TEX35: variants seen among roughly 807,000 people sequenced by gnomAD.
TEX35 encodes testis expressed 35.
Under a neutral mutation model 31.9 loss-of-function variants are expected in TEX35, and 26 were observed. The observed-to-expected ratio is 0.81, with a 90% CI of 0.60 to 1.13. TEX35 has a LOEUF of 1.13. TEX35 is among the 50% of genes most tolerant of loss of function. TEX35 has a pLI of 0.00. For synonymous variants in TEX35, 87 were observed against 90.7 expected, an observed-to-expected ratio of 0.96 and a Z score of 0.23; for missense variants, 278 against 273.5, an observed-to-expected ratio of 1.02 and a Z score of -0.12.
chr1:178,521,157 T>C, intron 7 of TEX35, 65 bp from the exon 8 acceptor site: 1 of 1,609,772 alleles, frequency 6.2e-7, no homozygotes, highest in African/African-American at 1.3e-5. Flanking sequence ...ATAAGGTGCC[T>C]AGCAGGCTGC....
intron 5 of TEX35, among the ~76,000 whole-genome samples, chr1:178,518,765 T>C (rs1410208186): frequency 6.6e-6 from 1 of 152,224 alleles, no homozygotes; most frequent in Non-Finnish European, 1.5e-5. Flanking sequence ...TATTTCTCTG[T>C]TAAAATCCAA....
In TEX35 at chr1:178,521,230, T is replaced by G; in HGVS notation, c.552T>G (p.Cys184Trp). ...GTTTCTGTCCTCTGCAGGAGAAATG[T>G]TTGTTGTGTGCTCTAAAGAACAACT... is the stretch of plus-strand genomic sequence containing the variant. ...LHHCGTCCEK[C>W]LLCALKNNYN... The change falls in exon 8 of 9, where the codon TGT becomes TGG. Residue 184 changes from cysteine (C) to tryptophan (W), a missense_variant. Coordinates refer to ENST00000319416, the MANE Select transcript of TEX35 (RefSeq NM_032126.5). The G allele has an allele frequency of 6.2e-7, 1 of 1,614,246 alleles. No homozygotes were observed.
rs140390790 is a variant in TEX35 at position 178,520,687 on chromosome 1, C to A, written c.356C>A (p.Ala119Glu). The A allele has an allele frequency of 1.6e-4, 262 of 1,613,986 alleles. 4 individuals are homozygous for A. The African/African-American group carries it at 3.0e-3, about 18-fold the overall frequency. The change falls in exon 7 of 9, where the codon GCA (alanine) becomes GAA (glutamate). Residue 119 changes from alanine (A) to glutamate (E), a missense_variant. By Grantham distance (107) the Ala-to-Glu change is moderately radical. Transcript: ENST00000319416. ...TCCTCCCCCAGTCCCCTTAGAAGAG[C>A]ACCAAAGGAGCAGCAGGAACTCAGG... The part of the protein sequence containing the change: ...QKNYKLPLRR[A>E]PKEQQELRLM...
Position 178,514,799 on chromosome 1 carries a change from A to G in TEX35, c.159+31A>G, listed in dbSNP as rs373817465. 544 of 1,595,704 alleles carry G rather than the reference A, an allele frequency of 3.4e-4. 2 individuals are homozygous for G. The Middle Eastern group carries it at 8.1e-3, about 24-fold the overall frequency. On this transcript the variant is annotated intron_variant, in intron 3 of 8. Transcript: ENST00000319416. Reference sequence around the variant, plus strand: ...TGCGTGAACTTGGAGGCATGTCTATATTCCAAACCACGTGAGTGTAAGTTT... The same window carrying G: ...TGCGTGAACTTGGAGGCATGTCTATGTTCCAAACCACGTGAGTGTAAGTTT...
At chr1:178,519,406 T>C (rs73040012) in intron 5 of TEX35, among the ~76,000 whole-genome samples, 8,965 of 152,186 alleles carry the variant, frequency 0.059, 903 homozygotes, top group African/African-American at 0.2. Flanking sequence ...TGGAACATGA[T>C]GATTTTGAAG....
chr1:178,522,622 T>C lies in TEX35; in HGVS notation c.*182T>C, dbSNP rs1296060397. 1 of 1,289,940 alleles carries C rather than the reference T, an allele frequency of 7.8e-7. No homozygotes were observed. Among genetic ancestry groups the C allele is most frequent in the Non-Finnish European group, 9.8e-7 (1 of 1,018,518 alleles). 79.9% of individuals were successfully genotyped at this position (1,289,940 alleles called of 1,614,324 possible). A position where few individuals can be genotyped will look rare whatever the true frequency, so the allele number is the denominator to read the frequency against. On this transcript the variant is annotated 3_prime_UTR_variant, in exon 9 of 9. Transcript: ENST00000319416. ...ATCTCTTTGCTAAGCTGGCTGCTTCTACCATCTAATAAATAATTGGCCAAG... is the reference window on the plus strand; with the variant it reads ...ATCTCTTTGCTAAGCTGGCTGCTTCCACCATCTAATAAATAATTGGCCAAG...
At chr1:178,523,162 T>G, downstream of TEX35, 1 of 569,678 alleles carries the variant, frequency 1.8e-6, no homozygotes, top group East Asian at 3.2e-5. Flanking sequence ...TAGAACTCAA[T>G]TGTGTGTGTG....
At chr1:178,517,510 T>G (rs7553215) in intron 5 of TEX35, among the ~76,000 whole-genome samples, 88,198 of 152,016 alleles carry the variant, frequency 0.58, 26,301 homozygotes, top group African/African-American at 0.72. Flanking sequence ...CTGCACATTA[T>G]AATCACCTGG....
intron 5 of TEX35, among the ~76,000 whole-genome samples, chr1:178,519,565 G>T (rs1371516612): frequency 1.3e-5 from 2 of 152,200 alleles, no homozygotes; most frequent in Non-Finnish European, 2.9e-5. Flanking sequence ...TGCTTTTCAA[G>T]AAGGTATTTT....
chr1:178,516,573 A>C (rs373299960), intron 4 of TEX35, 42 bp from the exon 5 acceptor site: 1 of 1,566,522 alleles, frequency 6.4e-7, no homozygotes. Context: ...CCTCAATAAC[A>C]TGCTCTGTGC....
At position 178,515,901 on chromosome 1, in the gene TEX35, G is replaced by C; in HGVS notation, c.202G>C (p.Glu68Gln). ...EVREELKEKM[E>Q]EIKQIKDLMD... ...GAGAGAAGAGCTCAAGGAGAAAATG[G>C]AGGAGATAAAACAGGTAAGAAGATG... Residue 68 changes from glutamate (E) to glutamine (Q), a missense_variant, in exon 4 of 9, where the codon GAG becomes CAG. Physicochemically the swap from Glu to Gln is conservative, Grantham distance 29 (BLOSUM62 2). Coordinates refer to ENST00000319416, the MANE Select transcript of TEX35 (RefSeq NM_032126.5). The C allele has an allele frequency of 6.2e-7, 1 of 1,612,820 alleles. No individual in the cohort carries two copies. The highest frequency in any genetic ancestry group is 8.5e-7 in the Non-Finnish European group (1 of 1,179,108).
chr1:178,518,142 A>G (rs1650147357), intron 5 of TEX35, among the ~76,000 whole-genome samples: 1 of 152,198 alleles, frequency 6.6e-6, no homozygotes, highest in African/African-American at 2.4e-5. Flanking sequence ...CAATAAACAT[A>G]TTAACAAAGG....
chr1:178,517,086 C>T (rs1476049417), intron 5 of TEX35, among the ~76,000 whole-genome samples: 3 of 152,208 alleles, frequency 2.0e-5, no homozygotes, highest in Non-Finnish European at 2.9e-5. Flanking sequence ...AGCCTGGGCT[C>T]ATGTTCAGAT....
intron 5 of TEX35, among the ~76,000 whole-genome samples, chr1:178,517,783 G>A (rs149433163): frequency 4.6e-5 from 7 of 152,240 alleles, no homozygotes; most frequent in Admixed American, 1.3e-4. Context: ...AGTTAACACT[G>A]TAAAGCTAAA....
Position 178,520,692 on chromosome 1 carries a change from A to G in TEX35, c.361A>G (p.Lys121Glu), listed in dbSNP as rs767115468. 1 of 1,613,968 alleles carries G rather than the reference A, an allele frequency of 6.2e-7. No homozygotes were observed. Among genetic ancestry groups the G allele is most frequent in the Admixed American group, 1.7e-5 (1 of 60,002 alleles). The change falls in exon 7 of 9, where the codon AAG becomes GAG. Residue 121 changes from lysine (K) to glutamate (E), a missense_variant. By Grantham distance (56) the Lys-to-Glu change is moderately conservative. Coordinates refer to ENST00000319416, the MANE Select transcript of TEX35 (RefSeq NM_032126.5). ...CCCCAGTCCCCTTAGAAGAGCACCA[A>G]AGGAGCAGCAGGAACTCAGGCTGAT... ...NYKLPLRRAP[K>E]EQQELRLMGK...
chr1:178,520,620 T>C, intron 6 of TEX35, 53 bp from the exon 7 acceptor site: 2 of 1,598,466 alleles, frequency 1.3e-6, no homozygotes, highest in Non-Finnish European at 1.7e-6. Flanking sequence ...CTCCTTGTCA[T>C]GCTGCAAAAT....
chr1:178,522,033 C>T (rs571648147), intron 8 of TEX35: 1 of 671,738 alleles, frequency 1.5e-6, no homozygotes, highest in Non-Finnish European at 2.4e-6. Flanking sequence ...GGGGAGGGCC[C>T]CTGATGATAG....
chr1:178,513,301 G>A (rs1276904500), intron 1 of TEX35, 74 bp downstream of exon 1: 1 of 1,568,384 alleles, frequency 6.4e-7, no homozygotes, highest in African/African-American at 1.4e-5. Flanking sequence ...GTCGGGGCAA[G>A]GGATACAGAG....
In TEX35 at chr1:178,520,851, C is replaced by T. The variant is rs1650245923; in HGVS notation, c.520C>T (p.Leu174Phe). ...QKTKQGSLDP[L>F]HHCGTCCEKC... ...AACAAAACAGGGCTCACTGGATCCCCTTCATCACTGTGGGACCTGCTGCGT... is the reference window on the plus strand; with the variant it reads ...AACAAAACAGGGCTCACTGGATCCCTTTCATCACTGTGGGACCTGCTGCGT... The change falls in exon 7 of 9, where the codon CTT becomes TTT. Residue 174 changes from leucine to phenylalanine, a missense_variant. Leu to Phe is a conservative substitution (Grantham distance 22, BLOSUM62 0). Coordinates refer to ENST00000319416, the MANE Select transcript of TEX35 (RefSeq NM_032126.5). 6.2e-7 allele frequency: 1 copy of T among 1,614,208 alleles called. No individual in the cohort carries two copies. The highest frequency in any genetic ancestry group is 8.5e-7 in the Non-Finnish European group (1 of 1,180,048).
Sources: allele counts gnomAD v4.1 joint callset (sites outside exome capture counted in the v4.1 genomes callset), GRCh38; gene constraint gnomAD v4.1.1; transcripts MANE v1.5; gene names NCBI Gene and HGNC (gene_info 2026-07-23, HGNC 2026-07-21).